Variants in SMAP1 observed in about 807,000 individuals in gnomAD.
The protein encoded by SMAP1 is stromal membrane-associated protein 1.
SMAP1 carries 24 observed loss-of-function variants against 58.5 expected under a neutral mutation model. The observed-to-expected ratio is 0.41, with a 90% CI of 0.30 to 0.58. The LOEUF (loss-of-function observed/expected upper bound fraction) is 0.58. Among genes scored for constraint, SMAP1 ranks in the 20% least tolerant of loss-of-function variants. The pLI is 0.29. For synonymous variants in SMAP1, 216 were observed against 196.6 expected, an observed-to-expected ratio of 1.10 and a Z score of -0.82; for missense variants, 563 against 566.3, an observed-to-expected ratio of 0.99 and a Z score of 0.06.
intron 6 of SMAP1, among the ~76,000 whole-genome samples, chr6:70,801,282 T>C (rs912052760): frequency 6.6e-6 from 1 of 152,206 alleles, no homozygotes; most frequent in African/African-American, 2.4e-5. Flanking sequence ...ATGGTGAGCA[T>C]TTTTTCATAT....
At chr6:70,858,285 ATCTT>A (rs1771525378) in intron 10 of SMAP1, 56 bp downstream of exon 10, 209 of 1,019,274 alleles carry the variant, frequency 2.1e-4, no homozygotes, top group Middle Eastern at 3.4e-4. Context: ...TATTTTCTAA[ATCTT>A]TTTTTTTTTT....
At position 70,836,927 on chromosome 6, in the gene SMAP1, TA is replaced by T; in HGVS notation, c.577-13del. ...CTTAAGAAAAATTAATAAATCCAATTATTTACTTTAAAGCTGCAGAAGAAAG... is the reference window on the plus strand; with the variant it reads ...CTTAAGAAAAATTAATAAATCCAATTTTTACTTTAAAGCTGCAGAAGAAAG... On this transcript the variant is annotated splice_polypyrimidine_tract_variant and intron_variant, in intron 6 of 10. Coordinates refer to ENST00000370455, the MANE Select transcript of SMAP1 (RefSeq NM_001044305.3). 1 of 1,541,238 alleles carries T rather than the reference TA, an allele frequency of 6.5e-7. No individual in the cohort carries two copies. The highest frequency in any genetic ancestry group is 2.4e-5 in the East Asian group (1 of 41,604).
chr6:70,842,436 G>T (rs1169127881), intron 7 of SMAP1, among the ~76,000 whole-genome samples: 1 of 152,158 alleles, frequency 6.6e-6, no homozygotes, highest in Non-Finnish European at 1.5e-5. Context: ...AGGGCAGTTG[G>T]TGAACTGACA....
intron 6 of SMAP1, among the ~76,000 whole-genome samples, chr6:70,826,794 G>GT (rs1162956413): frequency 2.0e-5 from 3 of 151,970 alleles, no homozygotes; most frequent in South Asian, 4.2e-4. Context: ...GTTGGGCATT[G>GT]TGGTGCACGC....
At chr6:70,769,891 C>T (rs1387268423) in intron 3 of SMAP1, among the ~76,000 whole-genome samples, 41 of 151,888 alleles carry the variant, frequency 2.7e-4, no homozygotes, top group East Asian at 1.5e-3. Context: ...TGGCTGGTAC[C>T]GGTTGTTCCT....
chr6:70,732,256 G>A, intron 1 of SMAP1, 122 bp from the exon 2 acceptor site: 2 of 1,030,386 alleles, frequency 1.9e-6, no homozygotes, highest in Non-Finnish European at 2.7e-6. Context: ...GAAAATTTGA[G>A]CATGTGACTT....
intron 2 of SMAP1, among the ~76,000 whole-genome samples, chr6:70,733,869 G>T (rs1019529875): frequency 6.6e-6 from 1 of 152,102 alleles, no homozygotes; most frequent in African/African-American, 2.4e-5. Flanking sequence ...TCTCAATTAG[G>T]TTGTTGAGAG....
chr6:70,683,271 A>T (rs1037687751), intron 1 of SMAP1, among the ~76,000 whole-genome samples: 6 of 150,254 alleles, frequency 4.0e-5, no homozygotes, highest in Admixed American at 3.3e-4. Context: ...CCCGTGTTCA[A>T]GCAGTTTTCT....
chr6:70,719,956 T>C (rs1768446929), intron 1 of SMAP1, among the ~76,000 whole-genome samples: 1 of 152,086 alleles, frequency 6.6e-6, no homozygotes, highest in African/African-American at 2.4e-5. Context: ...CACTCCCAAA[T>C]TGTATGTCCT....
intron 1 of SMAP1, among the ~76,000 whole-genome samples, chr6:70,679,996 A>T (rs1766635144): frequency 6.6e-6 from 1 of 152,204 alleles, no homozygotes; most frequent in African/African-American, 2.4e-5. Context: ...AAAAAGCTAT[A>T]GTTATCTGTG....
rs988567366 is a variant in SMAP1, at chr6:70,833,383, G to A, written c.577-3558G>A. 4.6e-5 allele frequency among the ~76,000 whole-genome samples: 7 copies of A among 152,152 alleles called. No homozygotes were observed. In the East Asian group the frequency reaches 1.2e-3, roughly 25 times the overall value. ...CACCTTTGCCACACGTTGTGTTCAG[G>A]TTACGGCCTCCACAAGATTTGATAA... On this transcript the variant is annotated intron_variant, in intron 6 of 10. Transcript: ENST00000370455.
At position 70,737,473 on chromosome 6, in the gene SMAP1, G is replaced by A. The variant is rs151039891; in HGVS notation, c.252+4962G>A. Among the ~76,000 whole-genome samples the A allele has an allele frequency of 3.3e-5, 5 of 152,226 alleles. No individual in the cohort carries two copies. In the East Asian group the frequency reaches 7.7e-4, roughly 24 times the overall value. ...GAAATGTATTTTGCATATTCCTTGT[G>A]GCAAACCAGATCCTTCCTATTCTTT... On this transcript the variant is annotated intron_variant, in intron 2 of 10. Coordinates refer to ENST00000370455, the MANE Select transcript of SMAP1 (RefSeq NM_001044305.3).
chr6:70,807,553 G>A (rs930217963), intron 6 of SMAP1, among the ~76,000 whole-genome samples: 1 of 152,170 alleles, frequency 6.6e-6, no homozygotes, highest in African/African-American at 2.4e-5. Flanking sequence ...TGTTTCTGTA[G>A]ATGAGGAGTA....
Position 70,667,940 on chromosome 6 carries a change from G to A in SMAP1, c.-84G>A. ...GCTGAGTCCGCCCGCGGTCCCGGCG[G>A]CGCCAGGTGCGTTCACTCTGCCCGG... On this transcript the variant is annotated 5_prime_UTR_variant, in exon 1 of 11. Transcript: ENST00000370455. The A allele has an allele frequency of 8.2e-7, 1 of 1,215,870 alleles. No individual in the cohort carries two copies. Among genetic ancestry groups the A allele is most frequent in the Non-Finnish European group, 1.1e-6 (1 of 877,500 alleles). The allele number at this position is 1,215,870 out of a possible 1,614,324, so 75.3% of individuals were successfully genotyped here.
At chr6:70,681,779 T>C (rs1052809637) in intron 1 of SMAP1, among the ~76,000 whole-genome samples, 2 of 152,202 alleles carry the variant, frequency 1.3e-5, no homozygotes, top group Non-Finnish European at 2.9e-5. Flanking sequence ...AGGAGTTGTG[T>C]TATTCATACA....
At chr6:70,815,431 GA>G (rs1331498779) in intron 6 of SMAP1, among the ~76,000 whole-genome samples, 49 of 152,252 alleles carry the variant, frequency 3.2e-4, no homozygotes, top group African/African-American at 1.1e-3. Flanking sequence ...TGTGGAATAT[GA>G]TACTCTTAGT....
chr6:70,699,871 G>T (rs1382141540), intron 1 of SMAP1, among the ~76,000 whole-genome samples: 2 of 152,088 alleles, frequency 1.3e-5, no homozygotes, highest in Non-Finnish European at 1.5e-5. Flanking sequence ...GGGATCCTAG[G>T]AGCCTGCTTG....
At chr6:70,759,988 G>C (rs1020314182) in intron 3 of SMAP1, 1 of 297,912 alleles carries the variant, frequency 3.4e-6, no homozygotes, top group African/African-American at 2.2e-5. Context: ...TGTGGGGAGT[G>C]GGGTGGGAAG....
chr6:70,681,598 A>G (rs1433043481), intron 1 of SMAP1, among the ~76,000 whole-genome samples: 1 of 152,176 alleles, frequency 6.6e-6, no homozygotes, highest in Non-Finnish European at 1.5e-5. Context: ...GTCTGAGTAA[A>G]GATTTTGCAG....
Sources: allele counts gnomAD v4.1 joint callset (sites outside exome capture counted in the v4.1 genomes callset), GRCh38; gene constraint gnomAD v4.1.1; transcripts MANE v1.5; gene names NCBI Gene and HGNC (gene_info 2026-07-23, HGNC 2026-07-21).